DYNC2I2: variants seen among roughly 807,000 people sequenced by gnomAD.
DYNC2I2 encodes dynein 2 intermediate chain 2.
Under a neutral mutation model 52.0 loss-of-function variants are expected in DYNC2I2, and 39 were observed. The ratio of observed to expected loss-of-function variants is 0.75; its 90% confidence interval spans 0.58 to 0.98. The LOEUF is 0.98. DYNC2I2 is among the 50% of genes least tolerant of loss of function. The pLI, the probability that DYNC2I2 is intolerant of heterozygous loss-of-function variation, is 0.00. For synonymous variants in DYNC2I2, 359 were observed against 321.1 expected, an observed-to-expected ratio of 1.12 and a Z score of -1.26; for missense variants, 743 against 728.4, an observed-to-expected ratio of 1.02 and a Z score of -0.23.
chr9:128,664,838 G>A, the DYNC2I2 span, among the ~76,000 whole-genome samples: 3 of 151,456 alleles, frequency 2.0e-5, no homozygotes, highest in Non-Finnish European at 4.4e-5. Context: ...TGAAAAAAAC[G>A]TTGGCCAGGT....
chr9:128,679,699 T>G, the DYNC2I2 span, among the ~76,000 whole-genome samples: 8 of 150,754 alleles, frequency 5.3e-5, no homozygotes, highest in African/African-American at 1.9e-4. Flanking sequence ...CAGGCTGGAG[T>G]GCAGTGGCGC....
the DYNC2I2 span, among the ~76,000 whole-genome samples, chr9:128,668,233 A>G: frequency 7.1e-6 from 1 of 141,082 alleles, no homozygotes; most frequent in Non-Finnish European, 1.5e-5. Flanking sequence ...TGCTGGGATT[A>G]CAGGCGTGAG....
rs905305827 is a variant in DYNC2I2 at position 128,635,129 on chromosome 9, A to G, written c.944T>C (p.Val315Ala). The G allele has an allele frequency of 3.7e-6, 6 of 1,613,128 alleles. No individual in the cohort carries two copies. Among genetic ancestry groups the G allele is most frequent in the Non-Finnish European group, 5.1e-6 (6 of 1,179,896 alleles). ...GGTGCTCCGTGGCAGCTGCTGCATG[A>G]CCAGGGCGAAGCCCTCTGTGAGCTG... ...QLQLTEGFAL[V>A]MQQLPRSTKL... The change falls in exon 6 of 9, where the codon GTC (valine) becomes GCC (alanine). Residue 315 changes from valine to alanine, a missense_variant. Transcript: ENST00000372715.
At chr9:128,654,392 GA>G (rs1013525969) in intron 1 of DYNC2I2, among the ~76,000 whole-genome samples, 19 of 152,042 alleles carry the variant, frequency 1.2e-4, no homozygotes, top group African/African-American at 4.6e-4. Context: ...ATTTTCAGAG[GA>G]AAAACATAAG....
chr9:128,651,985 C>A (rs1349124758), intron 1 of DYNC2I2: 2 of 151,350 alleles, frequency 1.3e-5, no homozygotes, highest in Non-Finnish European at 1.4e-5. Flanking sequence ...GGACTGGCTA[C>A]AATCTCAAAG....
At chr9:128,665,197 C>T in the DYNC2I2 span, among the ~76,000 whole-genome samples, 3 of 151,638 alleles carry the variant, frequency 2.0e-5, no homozygotes, top group African/African-American at 7.2e-5. Context: ...GGATTACAGG[C>T]GCCCGCCACC....
At chr9:128,664,710 C>T in the DYNC2I2 span, among the ~76,000 whole-genome samples, 2 of 151,426 alleles carry the variant, frequency 1.3e-5, no homozygotes, top group Non-Finnish European at 2.9e-5. Context: ...GTCACGAACT[C>T]CTGACCTCAG....
In DYNC2I2 at chr9:128,635,106, T is replaced by G. The variant is rs1860362289; in HGVS notation, c.967A>C (p.Thr323Pro). The G allele has an allele frequency of 6.2e-7, 1 of 1,611,880 alleles. No homozygotes were observed. The highest frequency in any genetic ancestry group is 1.7e-5 in the Admixed American group (1 of 59,910). ...ALVMQQLPRS[T>P]KLKKHPRGET... is the part of the protein sequence containing the mutation. Reference sequence around the variant, plus strand: ...TGCCCACGTACCTTCTTGAGCTTGGTGCTCCGTGGCAGCTGCTGCATGACC... The same window carrying G: ...TGCCCACGTACCTTCTTGAGCTTGGGGCTCCGTGGCAGCTGCTGCATGACC... Residue 323 changes from threonine (T) to proline (P), a missense_variant, in exon 6 of 9, where the codon ACC becomes CCC. Transcript: ENST00000372715.
At chr9:128,648,888 C>A (rs1278202402) in intron 1 of DYNC2I2, among the ~76,000 whole-genome samples, 2 of 151,702 alleles carry the variant, frequency 1.3e-5, no homozygotes, top group African/African-American at 4.8e-5. Context: ...CAGAGCTAGG[C>A]AGCTAGGTCA....
intron 1 of DYNC2I2, among the ~76,000 whole-genome samples, chr9:128,648,711 G>A (rs1219131245): frequency 1.3e-5 from 2 of 151,378 alleles, no homozygotes; most frequent in African/African-American, 4.9e-5. Context: ...GAGGTGGGAG[G>A]ATTGCTTGAA....
intron 1 of DYNC2I2, among the ~76,000 whole-genome samples, chr9:128,655,335 T>TAAAAAAAAA (rs869197100): frequency 0.03 from 565 of 18,676 alleles, 104 homozygotes; most frequent in African/African-American, 0.078. Context: ...CCGTCTCTAC[T>TAAAAAAAAA]AAAAAAAAAA....
At position 128,634,382 on chromosome 9, in the gene DYNC2I2, T is replaced by G; in HGVS notation, c.1216A>C (p.Asn406His). ...TCAGTCCCAGCGCTCAGGAAGAGAT[T>G]CCTAGACGGGATGCAGGGGGCCAGG... ...YSVSCSPFHR[N>H]LFLSAGTDGH... The change falls in exon 8 of 9, where the codon AAT becomes CAT. Residue 406 changes from asparagine to histidine, a missense_variant and splice_region_variant. By Grantham distance (68) the Asn-to-His change is moderately conservative. Coordinates refer to ENST00000372715, the MANE Select transcript of DYNC2I2 (RefSeq NM_052844.4). 6.3e-7 allele frequency: 1 copy of G among 1,578,030 alleles called. No individual in the cohort carries two copies. Among genetic ancestry groups the G allele is most frequent in the East Asian group, 2.2e-5 (1 of 44,646 alleles).
At chr9:128,656,862 GAAGA>G, upstream of DYNC2I2, 1 of 898,064 alleles carries the variant, frequency 1.1e-6, no homozygotes, top group African/African-American at 1.8e-5. Context: ...GCAAGACCTG[GAAGA>G]AAGAAAAGTA....
chr9:128,653,893 C>A (rs1380298592), intron 1 of DYNC2I2, among the ~76,000 whole-genome samples: 1 of 152,056 alleles, frequency 6.6e-6, no homozygotes, highest in African/African-American at 2.4e-5. Flanking sequence ...TGCCTGTAGT[C>A]CCAGCTACTG....
Position 128,656,548 on chromosome 9 carries a change from C to A in DYNC2I2, c.179G>T (p.Trp60Leu), listed in dbSNP as rs775277898. 1.4e-6 allele frequency: 2 copies of A among 1,421,960 alleles called. No homozygotes were observed. Among genetic ancestry groups the A allele is most frequent in the Non-Finnish European group, 1.8e-6 (2 of 1,090,930 alleles). 88.1% of individuals were successfully genotyped at this position (1,421,960 alleles called of 1,614,324 possible). The change falls in exon 1 of 9, where the codon TGG (tryptophan) becomes TTG (leucine). Residue 60 changes from tryptophan to leucine, a missense_variant. Physicochemically the swap from Trp to Leu is moderately conservative, Grantham distance 61. Transcript: ENST00000372715. ...CGGGGCCCGCGCCCTCACCGTCTCC[C>A]AGCGGATGCCCTGGACGGCCCTCCA... Reference protein sequence around the residue: ...SQWRAVQGIRWETKSCQTASI... With the variant: ...SQWRAVQGIRLETKSCQTASI...
chr9:128,652,955 G>A (rs1038632156), intron 1 of DYNC2I2, among the ~76,000 whole-genome samples: 11 of 149,564 alleles, frequency 7.4e-5, no homozygotes, highest in East Asian at 1.9e-4. Context: ...TGCCAGGCAC[G>A]GTGGCTCACA....
chr9:128,668,294 C>T, the DYNC2I2 span, among the ~76,000 whole-genome samples: 3 of 139,726 alleles, frequency 2.1e-5, no homozygotes, highest in Non-Finnish European at 5.0e-5. Flanking sequence ...CTGCCCGCCT[C>T]CGCCTCCCAG....
Position 128,634,725 on chromosome 9 carries a change from C to A in DYNC2I2, c.1178G>T (p.Gly393Val). The A allele has an allele frequency of 6.3e-7, 1 of 1,589,878 alleles. No homozygotes were observed. The highest frequency in any genetic ancestry group is 8.6e-7 in the Non-Finnish European group (1 of 1,168,892). The change falls in exon 7 of 9, where the codon GGT (glycine) becomes GTT (valine). Residue 393 changes from glycine to valine, a missense_variant. By Grantham distance (109) the Gly-to-Val change is moderately radical. Coordinates refer to ENST00000372715, the MANE Select transcript of DYNC2I2 (RefSeq NM_052844.4). The part of the protein sequence containing the change: ...PAQFTFSPHG[G>V]PIYSVSCSPF... The stretch of plus-strand genomic sequence containing the variant: ...GGAACAGCTCACAGAGTAGATGGGA[C>A]CGCCGTGGGGGGAGAAGGTAAACTG...
At chr9:128,653,150 A>C (rs1021968126) in intron 1 of DYNC2I2, among the ~76,000 whole-genome samples, 1 of 150,896 alleles carries the variant, frequency 6.6e-6, no homozygotes, top group South Asian at 2.1e-4. Context: ...GATCACCTGA[A>C]ACCAGGAGGC....
Sources: allele counts gnomAD v4.1 joint callset (sites outside exome capture counted in the v4.1 genomes callset), GRCh38; gene constraint gnomAD v4.1.1; transcripts MANE v1.5; gene names NCBI Gene and HGNC (gene_info 2026-07-23, HGNC 2026-07-21).